Variants in ACBD6 observed in about 807,000 individuals in gnomAD.
ACBD6 encodes the protein acyl-CoA-binding domain-containing protein 6.
Under a neutral mutation model 37.2 loss-of-function variants are expected in ACBD6, and 28 were observed. That is an observed-to-expected ratio of 0.75 (90% CI 0.56 to 1.03). The LOEUF is 1.03. ACBD6 is among the 50% of genes least tolerant of loss of function. The pLI is 0.00. For synonymous variants in ACBD6, 113 were observed against 126.8 expected (o/e 0.89, Z 0.73); for missense variants, 340 against 337.4 (o/e 1.01, Z -0.06).
chr1:180,421,575 C>T (rs946226280), intron 4 of ACBD6, among the ~76,000 whole-genome samples: 9 of 152,190 alleles, frequency 5.9e-5, no homozygotes, highest in African/African-American at 1.7e-4. Context: ...GGAATTGTCA[C>T]ACTGTCTTCC....
intron 7 of ACBD6, among the ~76,000 whole-genome samples, chr1:180,301,832 T>C (rs1650142074): frequency 6.6e-6 from 1 of 152,180 alleles, no homozygotes; most frequent in Non-Finnish European, 1.5e-5. Flanking sequence ...AAGCACAGAC[T>C]GGCAACACTT....
intron 3 of ACBD6, among the ~76,000 whole-genome samples, chr1:180,478,476 G>A (rs1015485653): frequency 1.3e-5 from 2 of 150,354 alleles, no homozygotes; most frequent in African/African-American, 2.4e-5. Flanking sequence ...AAATTTTCCC[G>A]CTCTATAAAT....
intron 7 of ACBD6, among the ~76,000 whole-genome samples, chr1:180,297,424 C>T (rs1186664321): frequency 1.3e-5 from 2 of 152,166 alleles, no homozygotes; most frequent in Non-Finnish European, 2.9e-5. Flanking sequence ...TTTGTGAATG[C>T]TATCTCTGCC....
At chr1:180,466,557 G>A (rs1464392474) in intron 3 of ACBD6, among the ~76,000 whole-genome samples, 33 of 152,076 alleles carry the variant, frequency 2.2e-4, no homozygotes, top group Admixed American at 2.2e-3. Context: ...TGACTTGCTG[G>A]AGAATGAAAT....
intron 7 of ACBD6, among the ~76,000 whole-genome samples, chr1:180,301,624 T>C (rs1050494609): frequency 1.3e-5 from 2 of 152,196 alleles, no homozygotes; most frequent in African/African-American, 4.8e-5. Flanking sequence ...TGTAATGTCA[T>C]ACTTTCCTTC....
intron 3 of ACBD6, among the ~76,000 whole-genome samples, chr1:180,468,258 A>C (rs775019880): frequency 6.6e-6 from 1 of 152,176 alleles, no homozygotes; most frequent in Non-Finnish European, 1.5e-5. Flanking sequence ...AATTCCTCCA[A>C]GCAATTACTG....
intron 6 of ACBD6, among the ~76,000 whole-genome samples, chr1:180,379,654 GA>G (rs1382136899): frequency 2.6e-5 from 4 of 151,666 alleles, no homozygotes; most frequent in African/African-American, 4.8e-5. Flanking sequence ...TCAAACAGAA[GA>G]AAAAAAATCT....
chr1:180,459,365 A>G (rs1650043300), intron 3 of ACBD6, among the ~76,000 whole-genome samples: 1 of 152,190 alleles, frequency 6.6e-6, no homozygotes, highest in Non-Finnish European at 1.5e-5. Context: ...TTGCATAGCA[A>G]TAGCAGCCCA....
At position 180,294,475 on chromosome 1, in the gene ACBD6, C is replaced by A. The variant is rs1571325887; in HGVS notation, c.695-5958G>T. 5.3e-5 allele frequency among the ~76,000 whole-genome samples: 8 copies of A among 151,958 alleles called. 1 individual carries two copies. The East Asian group carries it at 1.2e-3, about 22-fold the overall frequency. On this transcript the variant is annotated intron_variant, in intron 7 of 7. Transcript: ENST00000367595. ...ATCGCTTGAACCTGGGAGGTGGAGCCTGAAGTGTGAGCAGGCTGAGATCGC... is the reference window on the plus strand; with the variant it reads ...ATCGCTTGAACCTGGGAGGTGGAGCATGAAGTGTGAGCAGGCTGAGATCGC...
intron 3 of ACBD6, among the ~76,000 whole-genome samples, chr1:180,481,398 A>C (rs1439307627): frequency 6.6e-6 from 1 of 152,176 alleles, no homozygotes; most frequent in Non-Finnish European, 1.5e-5. Context: ...AATCATCAAC[A>C]CAGGCTGAAA....
chr1:180,448,453 A>C (rs1444403889), intron 3 of ACBD6, among the ~76,000 whole-genome samples: 2 of 152,112 alleles, frequency 1.3e-5, no homozygotes, highest in African/African-American at 4.8e-5. Flanking sequence ...AAGTGGTAAA[A>C]ATTTTGGCCC....
intron 4 of ACBD6, among the ~76,000 whole-genome samples, chr1:180,427,654 G>A (rs539422040): frequency 3.9e-5 from 6 of 152,258 alleles, no homozygotes; most frequent in African/African-American, 1.2e-4. Flanking sequence ...CAGGCACAGC[G>A]GCTCACGCCT....
At chr1:180,336,646 A>C (rs1374800214) in intron 6 of ACBD6, among the ~76,000 whole-genome samples, 1 of 151,744 alleles carries the variant, frequency 6.6e-6, no homozygotes, top group Non-Finnish European at 1.5e-5. Flanking sequence ...AGCAGAAGGC[A>C]AGAAATAACT....
chr1:180,432,466 G>C (rs993695652), intron 3 of ACBD6, among the ~76,000 whole-genome samples: 2 of 151,998 alleles, frequency 1.3e-5, no homozygotes, highest in Non-Finnish European at 2.9e-5. Context: ...ACTTACCAAA[G>C]AAGATACAGA....
At chr1:180,403,677 G>A (rs918292569) in intron 5 of ACBD6, among the ~76,000 whole-genome samples, 1 of 152,138 alleles carries the variant, frequency 6.6e-6, no homozygotes, top group South Asian at 2.1e-4. Context: ...GCAAACCAAG[G>A]TGTCCATCAA....
chr1:180,334,859 C>A (rs184721481), intron 6 of ACBD6, among the ~76,000 whole-genome samples: 1 of 151,888 alleles, frequency 6.6e-6, no homozygotes. Context: ...AACTACGTGA[C>A]GAATGCACAA....
downstream of ACBD6, among the ~76,000 whole-genome samples, chr1:180,286,175 A>G (rs763881012): frequency 4.6e-5 from 7 of 152,206 alleles, no homozygotes; most frequent in Non-Finnish European, 1.0e-4. Context: ...ACTCATGAAT[A>G]AAGAACAGAG....
intron 3 of ACBD6, among the ~76,000 whole-genome samples, chr1:180,444,644 CAT>C (rs909239781): frequency 7.2e-5 from 11 of 152,302 alleles, no homozygotes; most frequent in African/African-American, 2.2e-4. Context: ...AAATTTCTTT[CAT>C]AGAGGCTTAG....
intron 3 of ACBD6, among the ~76,000 whole-genome samples, chr1:180,439,404 G>T (rs543813727): frequency 9.9e-5 from 15 of 152,120 alleles, no homozygotes; most frequent in Non-Finnish European, 2.1e-4. Context: ...CTAACATGGT[G>T]AAACCCCGTC....
Sources: gnomAD v4.1 joint callset for allele counts (sites outside exome capture counted in the v4.1 genomes callset) on GRCh38, gnomAD v4.1.1 for gene constraint, MANE v1.5 for transcripts, NCBI Gene and HGNC (gene_info 2026-07-23, HGNC 2026-07-21) for gene names.